GALNT13: variants seen among roughly 807,000 people sequenced by gnomAD.
GALNT13 encodes UDP-GalNAc:polypeptide N-acetylgalactosaminyltransferase 13.
GALNT13 carries 28 observed loss-of-function variants against 64.2 expected under a neutral mutation model. The ratio of observed to expected loss-of-function variants is 0.44; its 90% CI spans 0.32 to 0.60. GALNT13 has a LOEUF of 0.60. GALNT13 is among the 20% of genes least tolerant of loss of function. The pLI, the probability that GALNT13 is intolerant of heterozygous loss-of-function variation, is 0.05. For missense variants in GALNT13, 577 were observed against 669.8 expected (o/e 0.86, Z 1.53); for synonymous variants, 214 against 224.6 (o/e 0.95, Z 0.42).
intron 12 of GALNT13, among the ~76,000 whole-genome samples, chr2:154,445,189 A>ACTT: frequency 6.6e-6 from 1 of 151,886 alleles, no homozygotes; most frequent in Admixed American, 6.6e-5. Context: ...CTGGAATGAA[A>ACTT]CTTCTTTGAC....
the GALNT13 span, among the ~76,000 whole-genome samples, chr2:153,428,805 T>G: frequency 2.6e-5 from 4 of 152,148 alleles, no homozygotes; most frequent in Non-Finnish European, 4.4e-5. Flanking sequence ...ATTATGTTTG[T>G]AAAGGGGAAG....
chr2:153,104,803 G>A, the GALNT13 span, among the ~76,000 whole-genome samples: 1 of 152,092 alleles, frequency 6.6e-6, no homozygotes, highest in Admixed American at 6.6e-5. Flanking sequence ...ATAGAAGTTA[G>A]AATGCTTTGG....
At chr2:153,329,555 G>A in the GALNT13 span, among the ~76,000 whole-genome samples, 3 of 152,124 alleles carry the variant, frequency 2.0e-5, no homozygotes, top group Admixed American at 6.5e-5. Context: ...TCATATGTCT[G>A]TTGGCCACTT....
chr2:154,404,781 T>A (rs963157158), intron 10 of GALNT13, among the ~76,000 whole-genome samples: 2 of 151,882 alleles, frequency 1.3e-5, no homozygotes, highest in Non-Finnish European at 2.9e-5. Flanking sequence ...ATGGTCCAGA[T>A]TAAAATGGGT....
At chr2:153,217,118 A>C in the GALNT13 span, among the ~76,000 whole-genome samples, 1 of 151,896 alleles carries the variant, frequency 6.6e-6, no homozygotes, top group Non-Finnish European at 1.5e-5. Flanking sequence ...CATTGTTTTT[A>C]TATACATGTG....
At chr2:153,823,555 T>C in the GALNT13 span, among the ~76,000 whole-genome samples, 27 of 152,286 alleles carry the variant, frequency 1.8e-4, no homozygotes, top group African/African-American at 6.5e-4. Flanking sequence ...CTGGGATAAC[T>C]GGCTAGCCAT....
intron 8 of GALNT13, among the ~76,000 whole-genome samples, chr2:154,283,208 A>G (rs1300109850): frequency 1.3e-5 from 2 of 152,116 alleles, no homozygotes; most frequent in African/African-American, 2.4e-5. Flanking sequence ...TGATATACTG[A>G]TAGGGATTTT....
intron 7 of GALNT13, among the ~76,000 whole-genome samples, chr2:154,252,311 G>A (rs1690110181): frequency 6.6e-6 from 1 of 151,414 alleles, no homozygotes; most frequent in African/African-American, 2.4e-5. Context: ...CATGGAGCTT[G>A]AAATCAGGAA....
chr2:153,341,985 G>A, the GALNT13 span, among the ~76,000 whole-genome samples: 1 of 152,150 alleles, frequency 6.6e-6, no homozygotes, highest in African/African-American at 2.4e-5. Context: ...CAGCAGCCAG[G>A]TAATGAGATC....
At chr2:154,138,101 T>C (rs1405750019) in intron 3 of GALNT13, among the ~76,000 whole-genome samples, 1 of 152,016 alleles carries the variant, frequency 6.6e-6, no homozygotes, top group East Asian at 1.9e-4. Context: ...GTTTTCCCCA[T>C]ACATTTCCTA....
the GALNT13 span, among the ~76,000 whole-genome samples, chr2:153,385,170 AATCCCATT>A: frequency 2.0e-5 from 3 of 152,124 alleles, no homozygotes; most frequent in Admixed American, 6.6e-5. Context: ...ATGATCCAGC[AATCCCATT>A]GCTGGGTATA....
chr2:153,142,082 A>C, the GALNT13 span, among the ~76,000 whole-genome samples: 1 of 152,070 alleles, frequency 6.6e-6, no homozygotes, highest in Non-Finnish European at 1.5e-5. Context: ...ATTTCTCACG[A>C]ACTGCTGAAT....
chr2:153,632,216 A>G, the GALNT13 span, among the ~76,000 whole-genome samples: 1 of 152,186 alleles, frequency 6.6e-6, no homozygotes, highest in Non-Finnish European at 1.5e-5. Flanking sequence ...AGACTTTTTG[A>G]AAAATCAGTT....
chr2:153,365,178 T>C, the GALNT13 span, among the ~76,000 whole-genome samples: 2,252 of 152,312 alleles, frequency 0.015, 66 homozygotes, highest in African/African-American at 0.051. Context: ...CTGGGAAAAC[T>C]GGCTAGCCGT....
chr2:153,355,649 TAATC>T, the GALNT13 span, among the ~76,000 whole-genome samples: 1 of 152,192 alleles, frequency 6.6e-6, no homozygotes, highest in African/African-American at 2.4e-5. Context: ...TTGGCCTTCT[TAATC>T]AAACAGCATG....
the GALNT13 span, among the ~76,000 whole-genome samples, chr2:153,652,390 G>GCGGGAGGATCACCTGAGGT: frequency 2.0e-5 from 3 of 152,232 alleles, no homozygotes; most frequent in East Asian, 5.8e-4. Context: ...GGAGACTGAG[G>GCGGGAGGATCACCTGAGGT]CGGGAGGATC....
At chr2:153,991,890 G>C (rs1007992629) in intron 3 of GALNT13, among the ~76,000 whole-genome samples, 1 of 152,106 alleles carries the variant, frequency 6.6e-6, no homozygotes, top group African/African-American at 2.4e-5. Flanking sequence ...ATCATCATCT[G>C]ATGATCACTC....
chr2:154,314,570 G>A (rs1391591551), intron 9 of GALNT13, among the ~76,000 whole-genome samples: 4 of 152,174 alleles, frequency 2.6e-5, no homozygotes, highest in African/African-American at 7.2e-5. Context: ...CCTGGCTTCT[G>A]ATAAGGGGCT....
At chr2:153,707,513 C>T in the GALNT13 span, among the ~76,000 whole-genome samples, 1 of 152,142 alleles carries the variant, frequency 6.6e-6, no homozygotes, top group Non-Finnish European at 1.5e-5. Context: ...AGCATGTGAC[C>T]TACATTCTAC....
Sources: allele counts gnomAD v4.1 joint callset (sites outside exome capture counted in the v4.1 genomes callset), GRCh38; gene constraint gnomAD v4.1.1; transcripts MANE v1.5; gene names NCBI Gene and HGNC (gene_info 2026-07-23, HGNC 2026-07-21).